DPP10: variants seen among roughly 807,000 people sequenced by gnomAD.
DPP10 encodes the protein dipeptidyl peptidase like 10.
DPP10 carries 33 observed loss-of-function variants against 120.9 expected under a neutral mutation model. The observed-to-expected ratio is 0.27, with a 90% CI of 0.21 to 0.37. The LOEUF is 0.37. Ranked by LOEUF, DPP10 falls within the 10% of genes least tolerant of loss-of-function variation. The pLI, the probability that DPP10 is intolerant of heterozygous loss-of-function variation, is 1.00. For synonymous variants in DPP10, 337 were observed against 326.1 expected, an observed-to-expected ratio of 1.03 and a Z score of -0.36; for missense variants, 816 against 942.8, an observed-to-expected ratio of 0.87 and a Z score of 1.76.
intron 1 of DPP10, among the ~76,000 whole-genome samples, chr2:114,657,791 A>C (rs796613977): frequency 1.3e-5 from 2 of 152,204 alleles, no homozygotes; most frequent in African/African-American, 4.8e-5. Context: ...TTCATGTATA[A>C]CTACTTTTGG....
rs141382379 is a variant in DPP10 at position 115,467,865 on chromosome 2, C to T, written c.272-31645C>T. ...CAGGAATGATTACAAACAAAGATAG[C>T]AGAATCAGGGCTTTATTAGAGTACT... On this transcript the variant is annotated intron_variant, in intron 3 of 25. Coordinates refer to ENST00000410059, the MANE Select transcript of DPP10 (RefSeq NM_020868.6). 1.0e-3 allele frequency among the ~76,000 whole-genome samples: 158 copies of T among 152,202 alleles called. 3 individuals carry two copies. In the East Asian group the frequency reaches 0.021, roughly 20 times the overall value.
chr2:115,645,998 TATGATCCTGACTGAC>T (rs1466299020), intron 5 of DPP10, among the ~76,000 whole-genome samples: 1 of 152,126 alleles, frequency 6.6e-6, no homozygotes, highest in African/African-American at 2.4e-5. Flanking sequence ...TTTTGTTAAA[TATGATCCTGACTGAC>T]ATAATCCTGA....
At chr2:114,697,768 A>C (rs886656577) in intron 1 of DPP10, among the ~76,000 whole-genome samples, 1 of 151,024 alleles carries the variant, frequency 6.6e-6, no homozygotes, top group Non-Finnish European at 1.5e-5. Flanking sequence ...AAAAAAAAAA[A>C]GACTAGCAGA....
chr2:115,380,487 A>G (rs867486250), intron 3 of DPP10, among the ~76,000 whole-genome samples: 11 of 152,226 alleles, frequency 7.2e-5, no homozygotes, highest in Middle Eastern at 3.4e-3. Flanking sequence ...GCACACTGAT[A>G]GGTCTTGACT....
chr2:114,642,979 TATACCTGTTC>T (rs1264882640), intron 1 of DPP10, among the ~76,000 whole-genome samples: 1 of 151,960 alleles, frequency 6.6e-6, no homozygotes, highest in Non-Finnish European at 1.5e-5. Flanking sequence ...ATGGGGGTTA[TATACCTGTTC>T]ATACACAAGC....
intron 1 of DPP10, among the ~76,000 whole-genome samples, chr2:114,975,451 A>T (rs1474258411): frequency 1.3e-5 from 2 of 152,200 alleles, no homozygotes; most frequent in African/African-American, 4.8e-5. Context: ...TTGTGGCATG[A>T]TTATACTGAA....
intron 1 of DPP10, among the ~76,000 whole-genome samples, chr2:114,610,281 A>G (rs2105279791): frequency 6.6e-6 from 1 of 152,258 alleles, no homozygotes; most frequent in East Asian, 1.9e-4. Context: ...CATTAGAATA[A>G]TTTAGGGATC....
chr2:115,244,990 G>T (rs1204709428), intron 1 of DPP10, among the ~76,000 whole-genome samples: 2 of 151,782 alleles, frequency 1.3e-5, no homozygotes, highest in Non-Finnish European at 2.9e-5. Context: ...TTATCCCTCA[G>T]CTCCCTCAGC....
At chr2:114,750,842 G>T (rs2106039248) in intron 1 of DPP10, among the ~76,000 whole-genome samples, 1 of 152,286 alleles carries the variant, frequency 6.6e-6, no homozygotes, top group African/African-American at 2.4e-5. Context: ...CCTCAGCATT[G>T]GTGGCCTAAA....
intron 5 of DPP10, among the ~76,000 whole-genome samples, chr2:115,536,150 C>A (rs956632870): frequency 6.6e-6 from 1 of 151,940 alleles, no homozygotes; most frequent in Admixed American, 6.6e-5. Context: ...ATGCCTCTAT[C>A]CACCTCCGTT....
chr2:115,158,212 A>G (rs1263621620), intron 1 of DPP10, among the ~76,000 whole-genome samples: 1 of 152,208 alleles, frequency 6.6e-6, no homozygotes, highest in African/African-American at 2.4e-5. Context: ...AGAACAACCT[A>G]ATTTTGCCAC....
intron 3 of DPP10, among the ~76,000 whole-genome samples, chr2:115,432,659 TTGTGTGTGTGTG>T (rs59844767): frequency 1.2e-4 from 16 of 137,672 alleles, no homozygotes; most frequent in African/African-American, 2.4e-4. Flanking sequence ...ATAGGCAATT[TTGTGTGTGTGTG>T]TGTGTGTGTG....
chr2:115,309,384 G>T lies in DPP10; in HGVS notation c.175+31G>T, dbSNP rs755759000. 2.1e-5 allele frequency: 34 copies of T among 1,591,904 alleles called. No homozygotes were observed. In the East Asian group the frequency reaches 7.4e-4, roughly 35 times the overall value. ...CTGTCTTTATTCCTCTCTTATGATG[G>T]ATGGTATTGTGGATGATAATTTCGC... On this transcript the variant is annotated intron_variant, in intron 2 of 25. Transcript: ENST00000410059.
intron 19 of DPP10, among the ~76,000 whole-genome samples, chr2:115,800,153 T>C (rs1323595654): frequency 6.6e-6 from 1 of 151,866 alleles, no homozygotes; most frequent in Non-Finnish European, 1.5e-5. Context: ...GGTATCTCAT[T>C]GTGGTTTTGA....
intron 1 of DPP10, among the ~76,000 whole-genome samples, chr2:115,176,428 A>G (rs1284513140): frequency 6.6e-6 from 1 of 151,262 alleles, no homozygotes; most frequent in Non-Finnish European, 1.5e-5. Context: ...TTCCACTTTT[A>G]TTCCAGTTTT....
At chr2:115,780,831 G>T in intron 15 of DPP10, 43 bp from the exon 16 acceptor site, 2 of 1,577,722 alleles carry the variant, frequency 1.3e-6, no homozygotes, top group Non-Finnish European at 1.7e-6. Flanking sequence ...CAAGTGCCTA[G>T]AATAGTAGCA....
At chr2:115,152,723 G>A (rs1293613980) in intron 1 of DPP10, among the ~76,000 whole-genome samples, 3 of 152,158 alleles carry the variant, frequency 2.0e-5, no homozygotes, top group South Asian at 2.1e-4. Flanking sequence ...GTTTTGGAAA[G>A]ATGCCTGGAA....
At chr2:114,448,747 G>A (rs957922498) in intron 1 of DPP10, among the ~76,000 whole-genome samples, 1 of 152,060 alleles carries the variant, frequency 6.6e-6, no homozygotes, top group African/African-American at 2.4e-5. Context: ...ATGATACTTA[G>A]GGTTATTAAG....
chr2:115,721,583 T>C (rs1310965681), intron 7 of DPP10, among the ~76,000 whole-genome samples: 3 of 151,500 alleles, frequency 2.0e-5, no homozygotes, highest in African/African-American at 7.3e-5. Context: ...TTCACACCTG[T>C]CAAGACAGCT....
Sources: gnomAD v4.1 joint callset for allele counts (sites outside exome capture counted in the v4.1 genomes callset) on GRCh38, gnomAD v4.1.1 for gene constraint, MANE v1.5 for transcripts, NCBI Gene and HGNC (gene_info 2026-07-23, HGNC 2026-07-21) for gene names.